Variants in PHF21A observed in about 807,000 individuals in gnomAD.
PHF21A encodes BHC80a.
Under a neutral mutation model 82.5 loss-of-function variants are expected in PHF21A, and 11 were observed. The ratio of observed to expected loss-of-function variants is 0.13; its 90% CI spans 0.08 to 0.22. PHF21A has a LOEUF of 0.22. PHF21A is among the 10% of genes least tolerant of loss of function. The pLI, the probability that PHF21A is intolerant of heterozygous loss-of-function variation, is 1.00. For missense variants in PHF21A, 579 were observed against 837.8 expected, an observed-to-expected ratio of 0.69 and a Z score of 3.81; for synonymous variants, 297 against 302.8, an observed-to-expected ratio of 0.98 and a Z score of 0.20.
intron 6 of PHF21A, among the ~76,000 whole-genome samples, chr11:45,994,944 C>T (rs1216685535): frequency 6.6e-6 from 1 of 152,122 alleles, no homozygotes; most frequent in East Asian, 1.9e-4. Context: ...TATTTTCAAC[C>T]AAAGGACGTA....
intron 6 of PHF21A, among the ~76,000 whole-genome samples, chr11:46,014,221 G>A (rs775426868): frequency 1.1e-4 from 16 of 152,092 alleles, no homozygotes; most frequent in Non-Finnish European, 1.8e-4. Context: ...ATGTCCAAGT[G>A]TACCCAATGT....
Position 45,969,856 on chromosome 11 carries a change from G to C in PHF21A, c.661C>G (p.Pro221Ala). The part of the protein sequence containing the change: ...PQPIKVPQFI[P>A]PPRLTPRPNF... Reference sequence around the variant, plus strand: ...GGACGTGGAGTGAGTCTAGGAGGGGGGATAAACTGTGGTACTTTGATGGGC... The same window carrying C: ...GGACGTGGAGTGAGTCTAGGAGGGGCGATAAACTGTGGTACTTTGATGGGC... Residue 221 changes from proline to alanine, a missense_variant, in exon 9 of 19, where the codon CCC (proline) becomes GCC (alanine). By Grantham distance (27) the Pro-to-Ala change is conservative. Coordinates refer to ENST00000676320, the MANE Select transcript of PHF21A (RefSeq NM_001352027.3). The C allele has an allele frequency of 6.2e-7, 1 of 1,613,864 alleles. No homozygotes were observed. Among genetic ancestry groups the C allele is most frequent in the Non-Finnish European group, 8.5e-7 (1 of 1,179,810 alleles).
intron 7 of PHF21A, among the ~76,000 whole-genome samples, chr11:45,977,997 T>C (rs1307902243): frequency 1.3e-5 from 2 of 152,098 alleles, no homozygotes; most frequent in Non-Finnish European, 2.9e-5. Context: ...CTTAGTTTTC[T>C]CTTCTAAAAA....
intron 10 of PHF21A, among the ~76,000 whole-genome samples, chr11:45,954,351 A>G (rs2092454293): frequency 6.6e-6 from 1 of 152,178 alleles, no homozygotes; most frequent in South Asian, 2.1e-4. Flanking sequence ...TAAGATCAGA[A>G]TGATGTTAAA....
intron 6 of PHF21A, among the ~76,000 whole-genome samples, chr11:46,059,939 C>T (rs894832754): frequency 1.6e-4 from 24 of 152,062 alleles, no homozygotes; most frequent in African/African-American, 5.8e-4. Context: ...GATGGGGTTT[C>T]GCCGATGTTG....
At chr11:45,989,390 C>T (rs567296234) in intron 6 of PHF21A, among the ~76,000 whole-genome samples, 2 of 150,212 alleles carry the variant, frequency 1.3e-5, no homozygotes, top group South Asian at 2.1e-4. Context: ...CGCGGTGGCT[C>T]ATGCCTATAA....
intron 6 of PHF21A, among the ~76,000 whole-genome samples, chr11:46,043,848 T>C (rs1479865310): frequency 6.6e-6 from 1 of 152,172 alleles, no homozygotes; most frequent in Non-Finnish European, 1.5e-5. Context: ...TCTAATCATT[T>C]CACTGTTTTT....
At chr11:45,954,121 C>T (rs1188929008) in intron 10 of PHF21A, among the ~76,000 whole-genome samples, 2 of 152,096 alleles carry the variant, frequency 1.3e-5, no homozygotes, top group Non-Finnish European at 2.9e-5. Flanking sequence ...CTCAGCCTCC[C>T]TAGTACCTGG....
intron 6 of PHF21A, among the ~76,000 whole-genome samples, chr11:46,020,342 CA>C (rs1042046931): frequency 2.6e-4 from 40 of 152,152 alleles, no homozygotes; most frequent in African/African-American, 9.4e-4. Context: ...TATCCTGCAG[CA>C]AACCAATTTT....
At chr11:46,116,471 A>G (rs2097290842) in intron 1 of PHF21A, 1 of 152,216 alleles carries the variant, frequency 6.6e-6, no homozygotes. Flanking sequence ...ACTCACTAAA[A>G]TCAACTACTA....
chr11:46,118,578 CTG>C (rs1852063245), intron 1 of PHF21A, among the ~76,000 whole-genome samples: 2 of 152,094 alleles, frequency 1.3e-5, no homozygotes, highest in Admixed American at 6.5e-5. Flanking sequence ...ATTAGCATAA[CTG>C]TACACAAAAT....
At chr11:46,081,905 G>A (rs1055062188) in intron 4 of PHF21A, among the ~76,000 whole-genome samples, 4 of 152,170 alleles carry the variant, frequency 2.6e-5, no homozygotes, top group African/African-American at 9.7e-5. Context: ...CACAAAGCCA[G>A]AAATATTTTA....
chr11:45,967,350 AGAGT>A (rs1219055401), intron 9 of PHF21A, among the ~76,000 whole-genome samples: 1 of 146,348 alleles, frequency 6.8e-6, no homozygotes, highest in Non-Finnish European at 1.5e-5. Context: ...CCTGGGTGAT[AGAGT>A]GAGACCCTGT....
chr11:46,041,042 G>A (rs1056359626), intron 6 of PHF21A, among the ~76,000 whole-genome samples: 6 of 151,792 alleles, frequency 4.0e-5, no homozygotes, highest in South Asian at 2.1e-4. Flanking sequence ...TAAATAGGTC[G>A]CCCTCACTGA....
chr11:46,100,169 CT>C (rs1463161769), intron 1 of PHF21A, among the ~76,000 whole-genome samples: 1 of 151,864 alleles, frequency 6.6e-6, no homozygotes, highest in Non-Finnish European at 1.5e-5. Context: ...CAATACAGAC[CT>C]CAAAAAGAAG....
intron 6 of PHF21A, among the ~76,000 whole-genome samples, chr11:46,011,606 C>T (rs746203521): frequency 2.0e-5 from 3 of 152,178 alleles, no homozygotes; most frequent in African/African-American, 4.8e-5. Context: ...CTTGGTGGTA[C>T]TAAGCACTGC....
At chr11:46,068,111 T>A (rs77474453) in intron 6 of PHF21A, among the ~76,000 whole-genome samples, 3,283 of 152,190 alleles carry the variant, frequency 0.022, 109 homozygotes, top group African/African-American at 0.073. Flanking sequence ...TTATGGGGTA[T>A]GTATGAGAAT....
chr11:45,970,036 G>T, intron 8 of PHF21A, 132 bp from the exon 9 acceptor site: 1 of 712,986 alleles, frequency 1.4e-6, no homozygotes. Flanking sequence ...TTAATCATCT[G>T]AATTAACACT....
At chr11:46,000,167 T>C (rs756679419) in intron 6 of PHF21A, among the ~76,000 whole-genome samples, 5 of 152,198 alleles carry the variant, frequency 3.3e-5, no homozygotes, top group Admixed American at 6.5e-5. Context: ...CAGCAAACTA[T>C]AGAGAAGAAA....
Sources: allele counts gnomAD v4.1 joint callset (sites outside exome capture counted in the v4.1 genomes callset), GRCh38; gene constraint gnomAD v4.1.1; transcripts MANE v1.5; gene names NCBI Gene and HGNC (gene_info 2026-07-23, HGNC 2026-07-21).